Variants in IL12RB2 observed in about 807,000 individuals in gnomAD.
IL12RB2 encodes interleukin 12 receptor subunit beta 2.
Under a neutral mutation model 89.4 loss-of-function variants are expected in IL12RB2, and 82 were observed. That is an observed-to-expected ratio of 0.92 (90% CI 0.77 to 1.10). IL12RB2 has a LOEUF of 1.10. Ranked by LOEUF, IL12RB2 falls within the 50% of genes least tolerant of loss-of-function variation. IL12RB2 has a pLI of 0.00. For missense variants in IL12RB2, 963 were observed against 1,031.9 expected (o/e 0.93, Z 0.92); for synonymous variants, 368 against 370.1 (o/e 0.99, Z 0.07).
intron 8 of IL12RB2, among the ~76,000 whole-genome samples, chr1:67,331,859 A>G (rs75948976): frequency 0.046 from 6,993 of 152,200 alleles, 202 homozygotes; most frequent in Admixed American, 0.072. Context: ...AAATAAATAA[A>G]TAAATGCACT....
At chr1:67,355,358 G>A (rs899929177) in intron 10 of IL12RB2, among the ~76,000 whole-genome samples, 8 of 148,168 alleles carry the variant, frequency 5.4e-5, no homozygotes, top group Non-Finnish European at 4.4e-5. Context: ...AGATTGCAGT[G>A]AGCCAAGATC....
intron 11 of IL12RB2, among the ~76,000 whole-genome samples, chr1:67,371,728 G>A (rs971914709): frequency 3.8e-4 from 58 of 152,142 alleles, no homozygotes; most frequent in African/African-American, 1.3e-3. Flanking sequence ...AAAGTGCGGC[G>A]CTTTAAAAGC....
At chr1:67,371,595 G>A (rs1008500629) in intron 11 of IL12RB2, among the ~76,000 whole-genome samples, 18 of 152,092 alleles carry the variant, frequency 1.2e-4, no homozygotes, top group African/African-American at 3.9e-4. Flanking sequence ...AAGTATTTCA[G>A]GAGAGGTATC....
chr1:67,367,432 A>G (rs1426326186), intron 10 of IL12RB2, among the ~76,000 whole-genome samples: 1 of 146,850 alleles, frequency 6.8e-6, no homozygotes, highest in East Asian at 2.0e-4. Context: ...AGAAAAAGAA[A>G]AAGAAAGAAG....
In IL12RB2 at chr1:67,388,301, T is replaced by C. The variant is rs188870180; in HGVS notation, c.1946+1632T>C. 3.9e-5 allele frequency among the ~76,000 whole-genome samples: 6 copies of C among 152,270 alleles called. No individual in the cohort carries two copies. In the East Asian group the frequency reaches 1.2e-3, roughly 29 times the overall value. ...CTAAGAAGGAGGGGAAAATGAATAT[T>C]GGGTGGCAATTACTCTGTGCCCCAA... On this transcript the variant is annotated intron_variant, in intron 15 of 16. Transcript: ENST00000674203.
chr1:67,361,808 A>G lies in IL12RB2; in HGVS notation c.1259-6017A>G, dbSNP rs187587251. On this transcript the variant is annotated intron_variant, in intron 10 of 16. Transcript: ENST00000674203. ...CAAACCACAGACCCAGGAACCTTAA[A>G]GAACACCAAACAGGGTAAATGGCAC... Among the ~76,000 whole-genome samples the G allele has an allele frequency of 1.4e-4, 21 of 152,310 alleles. No individual in the cohort carries two copies. The East Asian group carries it at 3.7e-3, about 27-fold the overall frequency.
chr1:67,365,111 A>G (rs2100962393), intron 10 of IL12RB2, among the ~76,000 whole-genome samples: 1 of 152,344 alleles, frequency 6.6e-6, no homozygotes, highest in Non-Finnish European at 1.5e-5. Context: ...TTGAAAATAA[A>G]AATAAAACAT....
chr1:67,317,778 G>A (rs890266608), intron 2 of IL12RB2, among the ~76,000 whole-genome samples: 4 of 152,180 alleles, frequency 2.6e-5, no homozygotes, highest in Admixed American at 6.5e-5. Flanking sequence ...CATTTGTTGA[G>A]TACTTACTGT....
rs190194527 is a variant in IL12RB2 at position 67,373,312 on chromosome 1, G to A, written c.1717+529G>A. On this transcript the variant is annotated intron_variant, in intron 13 of 16. Transcript: ENST00000674203. The stretch of plus-strand genomic sequence containing the variant: ...TTTTGTAAAGACAGAGTCTCCCTGT[G>A]TTGTCCAGGCTAGTCTCCAACTCCT... 2.0e-4 allele frequency among the ~76,000 whole-genome samples: 31 copies of A among 152,234 alleles called. 1 individual carries two copies. The East Asian group carries it at 6.0e-3, about 29-fold the overall frequency.
At chr1:67,367,758 T>G in intron 10 of IL12RB2, 67 bp from the exon 11 acceptor site, 1 of 939,424 alleles carries the variant, frequency 1.1e-6, no homozygotes, top group Non-Finnish European at 1.8e-6. Flanking sequence ...GTTTGGCTTT[T>G]TTTGTTGTTT....
intron 8 of IL12RB2, among the ~76,000 whole-genome samples, chr1:67,337,021 T>G (rs1267758596): frequency 1.3e-5 from 2 of 152,178 alleles, no homozygotes; most frequent in African/African-American, 4.8e-5. Flanking sequence ...GTGGTTAGCA[T>G]TTGTTCAAAG....
chr1:67,364,166 G>A (rs931881191), intron 10 of IL12RB2, among the ~76,000 whole-genome samples: 20 of 152,182 alleles, frequency 1.3e-4, no homozygotes, highest in African/African-American at 4.1e-4. Context: ...TGAGGCAGGC[G>A]GATCACTTGA....
In IL12RB2 at chr1:67,386,638, G is replaced by C; in HGVS notation, c.1915G>C (p.Gly639Arg). Residue 639 changes from glycine (G) to arginine (R), a missense_variant, in exon 15 of 17, where the codon GGC (glycine) becomes CGC (arginine). Transcript: ENST00000674203. ...CATTTGCATTGCTATCATCATGGTG[G>C]GCATTTTCTCAACGCATTACTTCCA... is the stretch of plus-strand genomic sequence containing the variant. Reference protein sequence around the residue: ...PSICIAIIMVGIFSTHYFQQK... With the variant: ...PSICIAIIMVRIFSTHYFQQK... 6.2e-7 allele frequency: 1 copy of C among 1,613,230 alleles called. No homozygotes were observed. The highest frequency in any genetic ancestry group is 8.5e-7 in the Non-Finnish European group (1 of 1,179,424).
chr1:67,329,863 G>C, intron 7 of IL12RB2, 134 bp downstream of exon 7: 1 of 729,338 alleles, frequency 1.4e-6, no homozygotes, highest in Non-Finnish European at 2.5e-6. Context: ...AGAATTATCA[G>C]AAAGTCATGT....
rs956812673 is a variant in IL12RB2, at chr1:67,397,820, G to A, written c.*1731G>A. On this transcript the variant is annotated 3_prime_UTR_variant, in exon 17 of 17. Transcript: ENST00000674203. ...GAACTGAGATGGCTTCCCCATCATC[G>A]TCTGGATTTTCATTTAACAAAGTAC... Among the ~76,000 whole-genome samples the A allele has an allele frequency of 1.3e-5, 2 of 152,176 alleles. No homozygotes were observed. Among genetic ancestry groups the A allele is most frequent in the Non-Finnish European group, 2.9e-5 (2 of 68,044 alleles).
At chr1:67,385,655 A>G (rs1415502595) in intron 14 of IL12RB2, among the ~76,000 whole-genome samples, 1 of 152,244 alleles carries the variant, frequency 6.6e-6, no homozygotes. Context: ...TGCTGGATGA[A>G]TTAATGGCCA....
intron 8 of IL12RB2, among the ~76,000 whole-genome samples, chr1:67,334,347 T>C (rs1408774185): frequency 6.6e-6 from 1 of 152,260 alleles, no homozygotes; most frequent in Non-Finnish European, 1.5e-5. Context: ...AACTGCTAAA[T>C]GTGCTATTGT....
intron 10 of IL12RB2, among the ~76,000 whole-genome samples, chr1:67,357,933 G>A (rs1020181949): frequency 4.6e-5 from 7 of 151,988 alleles, no homozygotes; most frequent in African/African-American, 1.7e-4. Context: ...AGTTAGAGTA[G>A]AGGAAAAAAA....
At chr1:67,310,525 A>G (rs1654907645) in intron 1 of IL12RB2, among the ~76,000 whole-genome samples, 1 of 152,196 alleles carries the variant, frequency 6.6e-6, no homozygotes, top group Non-Finnish European at 1.5e-5. Flanking sequence ...GTTAAATCAG[A>G]TGAATGGGCA....
Sources: allele counts gnomAD v4.1 joint callset (sites outside exome capture counted in the v4.1 genomes callset), GRCh38; gene constraint gnomAD v4.1.1; transcripts MANE v1.5; gene names NCBI Gene and HGNC (gene_info 2026-07-23, HGNC 2026-07-21).